The following NIPAL2 variants were observed in gnomAD, a reference collection of about 807,000 sequenced individuals.
NIPAL2 encodes the protein NIPA-like protein 2.
NIPAL2 carries 43 observed loss-of-function variants against 48.9 expected under a neutral mutation model. The observed-to-expected ratio is 0.88, with a 90% CI of 0.69 to 1.13. NIPAL2 has a LOEUF of 1.13. Ranked by LOEUF, NIPAL2 falls within the 50% of genes most tolerant of loss-of-function variation. The probability of loss-of-function intolerance (pLI) is 0.00; values close to 1 mark genes in which losing one functional copy is unlikely to be tolerated. For missense variants in NIPAL2, 446 were observed against 461.4 expected (o/e 0.97, Z 0.31); for synonymous variants, 167 against 174.6 (o/e 0.96, Z 0.34).
chr8:98,230,492 G>A (rs1812390078), intron 4 of NIPAL2, among the ~76,000 whole-genome samples: 1 of 152,194 alleles, frequency 6.6e-6, no homozygotes, highest in Non-Finnish European at 1.5e-5. Context: ...AGATCTTAAT[G>A]TATTAGCATT....
rs767799150 is a variant in NIPAL2, at chr8:98,195,919, T to C, written c.944+23A>G. Reference sequence around the variant, plus strand: ...TAAAAGTAATAGAATTTCACATGCTTTACCTCTGAGACATTTACTCACCCA... The same window carrying C: ...TAAAAGTAATAGAATTTCACATGCTCTACCTCTGAGACATTTACTCACCCA... On this transcript the variant is annotated intron_variant, in intron 9 of 10. Coordinates refer to ENST00000430223, the MANE Select transcript of NIPAL2 (RefSeq NM_001321635.2). 1.7e-5 allele frequency: 26 copies of C among 1,513,040 alleles called. No individual in the cohort carries two copies. The South Asian group carries it at 3.1e-4, about 18-fold the overall frequency. 93.7% of individuals were successfully genotyped at this position (1,513,040 alleles called of 1,614,324 possible). A position where few individuals can be genotyped will look rare whatever the true frequency, so the allele number is the denominator to read the frequency against.
chr8:98,226,699 C>T (rs1202739723), intron 4 of NIPAL2, among the ~76,000 whole-genome samples: 1 of 152,180 alleles, frequency 6.6e-6, no homozygotes, highest in Non-Finnish European at 1.5e-5. Context: ...ACTGGGACTG[C>T]ACTGGGTCAG....
At chr8:98,234,354 G>A (rs1812602508) in intron 4 of NIPAL2, among the ~76,000 whole-genome samples, 1 of 152,138 alleles carries the variant, frequency 6.6e-6, no homozygotes, top group Admixed American at 6.5e-5. Context: ...TTCAAGATTA[G>A]TCAGCAAATC....
intron 1 of NIPAL2, among the ~76,000 whole-genome samples, chr8:98,273,370 G>A (rs1666212204): frequency 6.6e-6 from 1 of 152,068 alleles, no homozygotes; most frequent in Non-Finnish European, 1.5e-5. Flanking sequence ...ATGAATGAGG[G>A]GCTTGGGGAT....
chr8:98,219,446 A>C (rs951411563), intron 5 of NIPAL2, among the ~76,000 whole-genome samples: 2 of 152,178 alleles, frequency 1.3e-5, no homozygotes, highest in Non-Finnish European at 2.9e-5. Flanking sequence ...AAACATTTGG[A>C]GGAAGCAAGG....
intron 1 of NIPAL2, among the ~76,000 whole-genome samples, chr8:98,275,509 G>A (rs1815408934): frequency 1.3e-5 from 2 of 152,146 alleles, no homozygotes; most frequent in African/African-American, 4.8e-5. Flanking sequence ...CTCATTGAAT[G>A]ACTTTTGAGT....
chr8:98,209,211 C>T (rs1811186589), intron 6 of NIPAL2, among the ~76,000 whole-genome samples: 1 of 152,058 alleles, frequency 6.6e-6, no homozygotes, highest in Non-Finnish European at 1.5e-5. Context: ...AATAGACATG[C>T]TCTAATCTGG....
intron 4 of NIPAL2, among the ~76,000 whole-genome samples, chr8:98,228,617 C>T (rs1298136694): frequency 6.6e-6 from 1 of 152,152 alleles, no homozygotes; most frequent in East Asian, 1.9e-4. Flanking sequence ...CGCTTCAAAG[C>T]CCACTGAGAG....
chr8:98,194,623 TA>T, intron 10 of NIPAL2, 104 bp downstream of exon 10: 1 of 551,334 alleles, frequency 1.8e-6, no homozygotes, highest in Non-Finnish European at 3.1e-6. Flanking sequence ...GTACATTTTT[TA>T]GGATAAGAAT....
At chr8:98,216,465 A>T (rs539274368) in intron 5 of NIPAL2, among the ~76,000 whole-genome samples, 1 of 152,360 alleles carries the variant, frequency 6.6e-6, no homozygotes, top group Admixed American at 6.5e-5. Context: ...TGCTATTTGC[A>T]TTCAGACAAT....
At chr8:98,231,032 C>G (rs1177491254) in intron 4 of NIPAL2, among the ~76,000 whole-genome samples, 1 of 152,204 alleles carries the variant, frequency 6.6e-6, no homozygotes, top group African/African-American at 2.4e-5. Context: ...AGTCTAATCC[C>G]TTTGGTCCCT....
At chr8:98,227,548 T>C (rs1812235145) in intron 4 of NIPAL2, among the ~76,000 whole-genome samples, 1 of 152,206 alleles carries the variant, frequency 6.6e-6, no homozygotes, top group Non-Finnish European at 1.5e-5. Context: ...AGAAATGTCA[T>C]CCAGGAGCTA....
intron 3 of NIPAL2, among the ~76,000 whole-genome samples, chr8:98,246,300 A>G (rs1813303659): frequency 6.6e-6 from 1 of 152,222 alleles, no homozygotes; most frequent in Non-Finnish European, 1.5e-5. Context: ...ACAAAACAAC[A>G]TGTATTCCAC....
chr8:98,192,092 A>T lies in NIPAL2; in HGVS notation c.*886T>A, dbSNP rs1291645191. 6.6e-6 allele frequency: 1 copy of T among 152,262 alleles called. No homozygotes were observed. The highest frequency in any genetic ancestry group is 1.5e-5 in the Non-Finnish European group (1 of 68,048). 9.4% of individuals were successfully genotyped at this position (152,262 alleles called of 1,614,324 possible). On this transcript the variant is annotated 3_prime_UTR_variant, in exon 11 of 11. Transcript: ENST00000430223. ...TGATAAATTATAAGATCTATAAAAA[A>T]GACATAGGATATTAAATTTTTCTTC...
In NIPAL2 at chr8:98,190,380, T is replaced by A. The variant is rs539413001; in HGVS notation, c.*2598A>T. On this transcript the variant is annotated 3_prime_UTR_variant, in exon 11 of 11. Transcript: ENST00000430223. ...CTCTGTCGCCCAGGCTGGAGTGCAA[T>A]GGCATGATCTCGGCTCACTGCAACC... is the stretch of plus-strand genomic sequence containing the variant. 2.7e-4 allele frequency: 42 copies of A among 154,512 alleles called. No individual in the cohort carries two copies. The highest frequency in any genetic ancestry group is 9.7e-4 in the African/African-American group (40 of 41,168). The allele number at this position is 154,512 out of a possible 1,614,324, so 9.6% of individuals were successfully genotyped here. A position where few individuals can be genotyped will look rare whatever the true frequency, so the allele number is the denominator to read the frequency against.
chr8:98,260,424 C>T (rs1814232515), intron 1 of NIPAL2, among the ~76,000 whole-genome samples: 1 of 152,154 alleles, frequency 6.6e-6, no homozygotes, highest in South Asian at 2.1e-4. Flanking sequence ...GGTGCGCGCA[C>T]CGTGTGCGAG....
intron 6 of NIPAL2, among the ~76,000 whole-genome samples, chr8:98,210,346 G>A (rs1276334097): frequency 6.6e-6 from 1 of 152,142 alleles, no homozygotes; most frequent in African/African-American, 2.4e-5. Flanking sequence ...ATCTTGGTTT[G>A]TACTTTGCAC....
At chr8:98,244,285 A>G (rs1188219681) in intron 3 of NIPAL2, among the ~76,000 whole-genome samples, 4 of 120,164 alleles carry the variant, frequency 3.3e-5, no homozygotes, top group African/African-American at 1.3e-4. Flanking sequence ...TGGTGATGAG[A>G]GGTAGTCTGT....
intron 1 of NIPAL2, among the ~76,000 whole-genome samples, chr8:98,255,968 G>A (rs147599518): frequency 6.2e-4 from 95 of 152,190 alleles, no homozygotes; most frequent in Admixed American, 3.6e-3. Flanking sequence ...TGACACCAAA[G>A]CATAGGCATT....
Sources: gnomAD v4.1 joint callset for allele counts (sites outside exome capture counted in the v4.1 genomes callset) on GRCh38, gnomAD v4.1.1 for gene constraint, MANE v1.5 for transcripts, NCBI Gene and HGNC (gene_info 2026-07-23, HGNC 2026-07-21) for gene names.